SP4: variants seen among roughly 807,000 people sequenced by gnomAD.
SP4 encodes transcription factor Sp4.
In SP4, 19 loss-of-function variants were observed where a neutral mutation model predicts 72.8. That is an observed-to-expected ratio of 0.26 (90% CI 0.18 to 0.38). SP4 has a LOEUF of 0.38. Ranked by LOEUF, SP4 falls within the 10% of genes least tolerant of loss-of-function variation. The pLI is 1.00. For missense variants in SP4, 1,008 were observed against 926.3 expected (o/e 1.09, Z -1.14); for synonymous variants, 395 against 333.1 (o/e 1.19, Z -2.02).
Position 21,511,153 on chromosome 7 carries a change from C to A in SP4, c.2239C>A (p.Leu747Met). The change falls in exon 6 of 6, where the codon CTG becomes ATG. Residue 747 changes from leucine to methionine, a missense_variant. Leu to Met is a conservative substitution (Grantham distance 15). This residue lies in a region of SP4 where 67 missense variants were observed against 66.1 expected (regional missense o/e 1.01). Transcript: ENST00000222584. Reference protein sequence around the residue: ...TALAIVTSGELDSSVTEVLGS... With the variant: ...TALAIVTSGEMDSSVTEVLGS... ...TCTTGCCATTGTTACCTCGGGAGAA[C>A]TGGACTCATCTGTTACAGAGGTGCT... is the stretch of plus-strand genomic sequence containing the variant. 1 of 1,614,178 alleles carries A rather than the reference C, an allele frequency of 6.2e-7. No homozygotes were observed. The highest frequency in any genetic ancestry group is 8.5e-7 in the Non-Finnish European group (1 of 1,180,032).
intron 5 of SP4, among the ~76,000 whole-genome samples, chr7:21,498,244 T>G (rs1201350624): frequency 6.6e-6 from 1 of 152,170 alleles, no homozygotes; most frequent in Non-Finnish European, 1.5e-5. Flanking sequence ...ATATTAGTCA[T>G]AAAAGTAATC....
intron 3 of SP4, among the ~76,000 whole-genome samples, chr7:21,452,032 T>G (rs1783616942): frequency 6.6e-6 from 1 of 152,218 alleles, no homozygotes; most frequent in African/African-American, 2.4e-5. Context: ...TCTTCTGAGC[T>G]GTAGCCAGAG....
chr7:21,456,792 A>G (rs1288354571), intron 3 of SP4, among the ~76,000 whole-genome samples: 1 of 152,184 alleles, frequency 6.6e-6, no homozygotes, highest in Non-Finnish European at 1.5e-5. Flanking sequence ...TGTCAGTGAT[A>G]TGTCTGGGAT....
intron 3 of SP4, among the ~76,000 whole-genome samples, chr7:21,476,796 G>C (rs1410899114): frequency 1.3e-5 from 2 of 152,148 alleles, no homozygotes; most frequent in East Asian, 3.8e-4. Flanking sequence ...TAAGTGGCAA[G>C]TATTATCTTC....
At position 21,513,767 on chromosome 7, in the gene SP4, A is replaced by G. The variant is rs1002847406; in HGVS notation, c.*2498A>G. On this transcript the variant is annotated 3_prime_UTR_variant, in exon 6 of 6. Transcript: ENST00000222584. ...TTTTTAATCAACAATGAGGCCTATT[A>G]TAAATTTATCAGATGAATCTAGATA... is the stretch of plus-strand genomic sequence containing the variant. 1.3e-5 allele frequency: 2 copies of G among 152,200 alleles called. No individual in the cohort carries two copies. The highest frequency in any genetic ancestry group is 2.4e-5 in the African/African-American group (1 of 41,460). 9.4% of individuals were successfully genotyped at this position (152,200 alleles called of 1,614,324 possible). A position where few individuals can be genotyped will look rare whatever the true frequency, so the allele number is the denominator to read the frequency against.
At chr7:21,481,585 A>T (rs905031258) in intron 4 of SP4, among the ~76,000 whole-genome samples, 1 of 152,134 alleles carries the variant, frequency 6.6e-6, no homozygotes, top group Non-Finnish European at 1.5e-5. Flanking sequence ...TTTTAACTGG[A>T]TTTAGCCATC....
chr7:21,448,356 T>C (rs1783489351), intron 3 of SP4, among the ~76,000 whole-genome samples: 1 of 152,244 alleles, frequency 6.6e-6, no homozygotes, highest in Admixed American at 6.5e-5. Flanking sequence ...AGAATCCTAC[T>C]GTTTTTTAAT....
intron 5 of SP4, among the ~76,000 whole-genome samples, chr7:21,500,860 C>A (rs1781845569): frequency 6.6e-6 from 1 of 152,178 alleles, no homozygotes; most frequent in South Asian, 2.1e-4. Flanking sequence ...CTGCACAGTC[C>A]CTTTTACCAT....
chr7:21,502,337 C>G (rs534033491), intron 5 of SP4, among the ~76,000 whole-genome samples: 4 of 152,270 alleles, frequency 2.6e-5, no homozygotes, highest in African/African-American at 7.2e-5. Context: ...GTTGAGAGTT[C>G]TCCCATGGGC....
At chr7:21,434,777 C>T (rs930724497) in intron 3 of SP4, among the ~76,000 whole-genome samples, 20 of 151,994 alleles carry the variant, frequency 1.3e-4, no homozygotes, top group South Asian at 4.2e-4. Flanking sequence ...TTTTGTAGTC[C>T]GCAGTGTCTG....
At chr7:21,438,074 A>G (rs1301584231) in intron 3 of SP4, among the ~76,000 whole-genome samples, 1 of 151,816 alleles carries the variant, frequency 6.6e-6, no homozygotes, top group Admixed American at 6.6e-5. Flanking sequence ...ATATGCACAC[A>G]CAAAGACAGA....
intron 3 of SP4, among the ~76,000 whole-genome samples, chr7:21,455,058 T>C (rs1214316380): frequency 6.6e-6 from 1 of 152,164 alleles, no homozygotes; most frequent in Non-Finnish European, 1.5e-5. Flanking sequence ...AATGTCTGAT[T>C]TGGAAGCCAG....
intron 5 of SP4, among the ~76,000 whole-genome samples, chr7:21,502,048 C>CCCG (rs1554301414): frequency 3.5e-5 from 4 of 115,648 alleles, no homozygotes; most frequent in Middle Eastern, 4.5e-3. Flanking sequence ...GCACCCCCCC[C>CCCG]CCCCCGGAAC....
chr7:21,511,401 G>C lies in SP4; in HGVS notation c.*132G>C, dbSNP rs1782139248. On this transcript the variant is annotated 3_prime_UTR_variant, in exon 6 of 6. Coordinates refer to ENST00000222584, the MANE Select transcript of SP4 (RefSeq NM_003112.5). ...ATTCTTGGCTTCTTTAAGTATTCCA[G>C]GGTTTGGGGTCAACACGTGAAGTGT... 4.3e-6 allele frequency: 4 copies of C among 935,970 alleles called. No individual in the cohort carries two copies. Among genetic ancestry groups the C allele is most frequent in the African/African-American group, 1.7e-5 (1 of 60,332 alleles). 58.0% of individuals were successfully genotyped at this position (935,970 alleles called of 1,614,324 possible).
chr7:21,501,695 A>G (rs1157985615), intron 5 of SP4, among the ~76,000 whole-genome samples: 1 of 152,178 alleles, frequency 6.6e-6, no homozygotes, highest in Admixed American at 6.5e-5. Flanking sequence ...ATTTTCTGCC[A>G]GTTCATTGGC....
At position 21,470,749 on chromosome 7, in the gene SP4, GAAAAAA is replaced by G. The variant is rs11406915; in HGVS notation, c.1679-6315_1679-6310del. On this transcript the variant is annotated intron_variant, in intron 3 of 5. Transcript: ENST00000222584. ...TACCTTGGCCCAGTTTCTATATTTG[GAAAAAA>G]AAAAAAAAAAAAAAGCAGAACAAAA... 9.6e-3 allele frequency among the ~76,000 whole-genome samples: 1,014 copies of G among 105,334 alleles called. 8 individuals are homozygous for G. The highest frequency in any genetic ancestry group is 0.013 in the African/African-American group (364 of 28,672). The allele number at this position is 105,334 out of a possible 152,430, so 69.1% of individuals were successfully genotyped here.
At chr7:21,449,689 T>G (rs1261175776) in intron 3 of SP4, among the ~76,000 whole-genome samples, 1 of 152,222 alleles carries the variant, frequency 6.6e-6, no homozygotes, top group Non-Finnish European at 1.5e-5. Flanking sequence ...TCTTTGGTTC[T>G]GCTCTCTTTG....
At chr7:21,456,560 T>C (rs1783770332) in intron 3 of SP4, among the ~76,000 whole-genome samples, 1 of 152,156 alleles carries the variant, frequency 6.6e-6, no homozygotes, top group Non-Finnish European at 1.5e-5. Context: ...AGTGTGTGTT[T>C]AAGAAGTCAG....
intron 3 of SP4, among the ~76,000 whole-genome samples, chr7:21,467,234 A>G (rs1033564270): frequency 6.6e-6 from 1 of 152,162 alleles, no homozygotes; most frequent in Non-Finnish European, 1.5e-5. Context: ...ATTGCTGAGT[A>G]TCTCCTGGAA....
Sources: gnomAD v4.1 joint callset for allele counts (sites outside exome capture counted in the v4.1 genomes callset) on GRCh38, gnomAD v4.1.1 for gene constraint, gnomAD v4.1.1 regional missense constraint, MANE v1.5 for transcripts, NCBI Gene and HGNC (gene_info 2026-07-23, HGNC 2026-07-21) for gene names.